Variants in ENAH observed in about 807,000 individuals in gnomAD.
The protein encoded by ENAH is ENAH actin regulator.
A neutral mutation model predicts 78.7 loss-of-function variants in ENAH; 23 were observed. The ratio of observed to expected loss-of-function variants is 0.29; its 90% CI spans 0.21 to 0.41. The LOEUF (loss-of-function observed/expected upper bound fraction) is 0.41. ENAH is among the 10% of genes least tolerant of loss of function. ENAH has a pLI of 1.00. For synonymous variants in ENAH, 226 were observed against 241.0 expected (o/e 0.94, Z 0.58); for missense variants, 544 against 691.0 (o/e 0.79, Z 2.39).
intron 11 of ENAH, among the ~76,000 whole-genome samples, chr1:225,506,739 TTG>T (rs1300883754): frequency 2.0e-5 from 3 of 152,196 alleles, no homozygotes; most frequent in Non-Finnish European, 2.9e-5. Context: ...CCTAGTTTCT[TTG>T]TGGAGCTTAA....
At chr1:225,643,068 T>C (rs1010728606) in intron 1 of ENAH, among the ~76,000 whole-genome samples, 2 of 152,222 alleles carry the variant, frequency 1.3e-5, no homozygotes, top group South Asian at 2.1e-4. Context: ...TACTTATGCA[T>C]ACTCACAGAG....
Position 225,497,053 on chromosome 1 carries a change from G to A in ENAH, c.*722C>T, listed in dbSNP as rs2096252860. 1 of 152,624 alleles carries A rather than the reference G, an allele frequency of 6.6e-6. No homozygotes were observed. Among genetic ancestry groups the A allele is most frequent in the Non-Finnish European group, 1.5e-5 (1 of 68,034 alleles). The allele number at this position is 152,624 out of a possible 1,614,324, so 9.5% of individuals were successfully genotyped here. A position where few individuals can be genotyped will look rare whatever the true frequency, so the allele number is the denominator to read the frequency against. On this transcript the variant is annotated 3_prime_UTR_variant, in exon 14 of 14. Coordinates refer to ENST00000366843, the MANE Select transcript of ENAH (RefSeq NM_018212.6). ...ATGTAGAAGTCATAGATTTGGTAAA[G>A]CATTGTAACAATTTAGGAAGGCATC...
At chr1:225,628,514 T>C (rs1658355498) in intron 1 of ENAH, among the ~76,000 whole-genome samples, 1 of 152,256 alleles carries the variant, frequency 6.6e-6, no homozygotes, top group East Asian at 1.9e-4. Flanking sequence ...TTAAAAAACA[T>C]AGAAAATGCA....
At chr1:225,550,440 G>C (rs2096636090) in intron 3 of ENAH, among the ~76,000 whole-genome samples, 1 of 152,028 alleles carries the variant, frequency 6.6e-6, no homozygotes, top group Admixed American at 6.6e-5. Context: ...ACGCTTTACT[G>C]AAAATATTTT....
Position 225,492,081 on chromosome 1 carries a change from G to T in ENAH, c.*5694C>A, listed in dbSNP as rs2096224835. ...TTCTATGAAAAGCTATATTCTCTTA[G>T]AATTTTTTTTTTTTTTTTTTAGAGA... is the stretch of plus-strand genomic sequence containing the variant. On this transcript the variant is annotated 3_prime_UTR_variant, in exon 14 of 14. Coordinates refer to ENST00000366843, the MANE Select transcript of ENAH (RefSeq NM_018212.6). 2 of 105,736 alleles carry T rather than the reference G, an allele frequency of 1.9e-5. No homozygotes were observed. The highest frequency in any genetic ancestry group is 3.6e-5 in the African/African-American group (1 of 27,900). 6.5% of individuals were successfully genotyped at this position (105,736 alleles called of 1,614,324 possible).
At chr1:225,574,578 G>A (rs2096778576) in intron 1 of ENAH, among the ~76,000 whole-genome samples, 1 of 151,648 alleles carries the variant, frequency 6.6e-6, no homozygotes, top group Admixed American at 6.6e-5. Flanking sequence ...CTCCAGCCTG[G>A]GTGACAAAGT....
Position 225,539,427 on chromosome 1 carries a change from T to G in ENAH, c.350-8789A>C, listed in dbSNP as rs17501845. ...TTGTCAACAACAAAGTACATATATA[T>G]AAATGATAAACACACATGTATGAGG... On this transcript the variant is annotated intron_variant, in intron 3 of 13. Transcript: ENST00000366843. Among the ~76,000 whole-genome samples, 3 of 152,302 alleles carry G rather than the reference T, an allele frequency of 2.0e-5. No homozygotes were observed. In the South Asian group the frequency reaches 6.2e-4, roughly 32 times the overall value.
rs2096215650 is a variant in ENAH at position 225,490,116 on chromosome 1, A to G, written c.*7659T>C. On this transcript the variant is annotated 3_prime_UTR_variant, in exon 14 of 14. Coordinates refer to ENST00000366843, the MANE Select transcript of ENAH (RefSeq NM_018212.6). Reference sequence around the variant, plus strand: ...AGCCCCACAGCCTGAAAACTGGTAAAGTCAGTCCCAGTCCAATGACCTGCC... The same window carrying G: ...AGCCCCACAGCCTGAAAACTGGTAAGGTCAGTCCCAGTCCAATGACCTGCC... 6.6e-6 allele frequency: 1 copy of G among 152,166 alleles called. No homozygotes were observed. Among genetic ancestry groups the G allele is most frequent in the Non-Finnish European group, 1.5e-5 (1 of 68,060 alleles). 9.4% of individuals were successfully genotyped at this position (152,166 alleles called of 1,614,324 possible).
chr1:225,572,935 A>T (rs2151552130), intron 1 of ENAH, among the ~76,000 whole-genome samples: 2 of 152,338 alleles, frequency 1.3e-5, no homozygotes, highest in African/African-American at 4.8e-5. Context: ...TAGCTGGTTT[A>T]AAAGAAGGGA....
Position 225,512,959 on chromosome 1 carries a change from A to G in ENAH, c.1276T>C (p.Ser426Pro). Reference sequence around the variant, plus strand: ...TTTCCACGGCCTGTATCTGTTTTAGATGAGGCGGAGTTCACACCAATAGCA... The same window carrying G: ...TTTCCACGGCCTGTATCTGTTTTAGGTGAGGCGGAGTTCACACCAATAGCA... ...GNAIGVNSASSKTDTGRGNGP... is the reference protein window; with the variant it reads ...GNAIGVNSASPKTDTGRGNGP... Residue 426 changes from serine to proline, a missense_variant, in exon 8 of 14, where the codon TCT becomes CCT. Physicochemically the swap from Ser to Pro is moderately conservative, Grantham distance 74. Around this residue, in one of 4 missense-constraint regions of ENAH, gnomAD observed 366 missense variants for 396.1 expected, o/e 0.92. Coordinates refer to ENST00000366843, the MANE Select transcript of ENAH (RefSeq NM_018212.6). 6.2e-7 allele frequency: 1 copy of G among 1,613,892 alleles called. No homozygotes were observed. The highest frequency in any genetic ancestry group is 1.1e-5 in the South Asian group (1 of 91,060).
chr1:225,565,285 A>G (rs1438320999), intron 2 of ENAH, among the ~76,000 whole-genome samples: 1 of 152,026 alleles, frequency 6.6e-6, no homozygotes. Flanking sequence ...AAAATACAAA[A>G]TTAGCCAGGC....
At chr1:225,588,125 A>C (rs2096856349) in intron 1 of ENAH, among the ~76,000 whole-genome samples, 1 of 152,172 alleles carries the variant, frequency 6.6e-6, no homozygotes. Context: ...ATAAAAAGAC[A>C]CTTTTAAGAA....
chr1:225,497,674 C>A lies in ENAH; in HGVS notation c.*101G>T. On this transcript the variant is annotated 3_prime_UTR_variant, in exon 14 of 14. Transcript: ENST00000366843. ...TCCTTCTGTTTGTCTCCATTTTCTT[C>A]TTACAGCTCATAAATGTAGGGGTTT... The A allele has an allele frequency of 8.3e-7, 1 of 1,206,430 alleles. No individual in the cohort carries two copies. The allele number at this position is 1,206,430 out of a possible 1,614,324, so 74.7% of individuals were successfully genotyped here.
At chr1:225,614,436 G>A (rs1003624587) in intron 1 of ENAH, among the ~76,000 whole-genome samples, 2 of 152,172 alleles carry the variant, frequency 1.3e-5, no homozygotes, top group East Asian at 1.9e-4. Context: ...GGTCCTAAGA[G>A]CAAGAGTTTC....
In ENAH at chr1:225,490,795, T is replaced by C. The variant is rs558926570; in HGVS notation, c.*6980A>G. The C allele has an allele frequency of 6.6e-6, 1 of 152,378 alleles. No homozygotes were observed. Among genetic ancestry groups the C allele is most frequent in the Admixed American group, 6.5e-5 (1 of 15,298 alleles). The allele number at this position is 152,378 out of a possible 1,614,324, so 9.4% of individuals were successfully genotyped here. A position where few individuals can be genotyped will look rare whatever the true frequency, so the allele number is the denominator to read the frequency against. On this transcript the variant is annotated 3_prime_UTR_variant, in exon 14 of 14. Coordinates refer to ENST00000366843, the MANE Select transcript of ENAH (RefSeq NM_018212.6). ...CTATAAGCTATTCTTCTCCTGGAAA[T>C]TTAAGTGGCAAAGTCAACGTCTTTT...
chr1:225,621,806 A>G (rs999178155), intron 1 of ENAH, among the ~76,000 whole-genome samples: 1 of 152,166 alleles, frequency 6.6e-6, no homozygotes, highest in Non-Finnish European at 1.5e-5. Flanking sequence ...AGTTTCACCT[A>G]ATCAGAAATT....
rs894043787 is a variant in ENAH at position 225,493,126 on chromosome 1, T to G, written c.*4649A>C. 1 of 152,196 alleles carries G rather than the reference T, an allele frequency of 6.6e-6. No individual in the cohort carries two copies. The highest frequency in any genetic ancestry group is 1.5e-5 in the Non-Finnish European group (1 of 68,038). 9.4% of individuals were successfully genotyped at this position (152,196 alleles called of 1,614,324 possible). The stretch of plus-strand genomic sequence containing the variant: ...GGTTTTAATTTGAAGGTTTCATCTT[T>G]CCAGTATTGATATTTTAAAAAATCT... On this transcript the variant is annotated 3_prime_UTR_variant, in exon 14 of 14. Coordinates refer to ENST00000366843, the MANE Select transcript of ENAH (RefSeq NM_018212.6).
At chr1:225,567,569 G>C (rs116523810) in intron 1 of ENAH, among the ~76,000 whole-genome samples, 155 bp from the exon 2 acceptor site, 1 of 152,150 alleles carries the variant, frequency 6.6e-6, no homozygotes, top group Non-Finnish European at 1.5e-5. Context: ...CTGTCTTTAT[G>C]TGTACAGTCT....
intron 1 of ENAH, among the ~76,000 whole-genome samples, chr1:225,604,009 T>C (rs2096942558): frequency 6.6e-6 from 1 of 152,220 alleles, no homozygotes; most frequent in African/African-American, 2.4e-5. Context: ...TCATTCTAAA[T>C]CTTATTTATT....
Sources: allele counts gnomAD v4.1 joint callset (sites outside exome capture counted in the v4.1 genomes callset), GRCh38; gene constraint gnomAD v4.1.1; regional missense constraint gnomAD v4.1.1; transcripts MANE v1.5; gene names NCBI Gene and HGNC (gene_info 2026-07-23, HGNC 2026-07-21).